The following PP2D1 variants were observed in gnomAD, a reference collection of about 807,000 sequenced individuals.
PP2D1 encodes the protein protein phosphatase 2C like domain containing 1.
PP2D1 carries 25 observed loss-of-function variants against 30.2 expected under a neutral mutation model. The observed-to-expected ratio is 0.83, with a 90% confidence interval of 0.60 to 1.16. PP2D1 has a LOEUF of 1.16. PP2D1 is among the 50% of genes most tolerant of loss of function. PP2D1 has a pLI of 0.00. For missense variants in PP2D1, 760 were observed against 742.4 expected, an observed-to-expected ratio of 1.02 and a Z score of -0.28; for synonymous variants, 260 against 258.9, an observed-to-expected ratio of 1.00 and a Z score of -0.04.
At chr3:19,988,179 G>A (rs903470593) in intron 2 of PP2D1, among the ~76,000 whole-genome samples, 5 of 152,176 alleles carry the variant, frequency 3.3e-5, no homozygotes, top group African/African-American at 1.2e-4. Flanking sequence ...ATAACCATCA[G>A]GTATCACTGC....
chr3:19,985,448 C>T lies in PP2D1; in HGVS notation c.1825G>A (p.Gly609Ser). 2 of 1,536,078 alleles carry T rather than the reference C, an allele frequency of 1.3e-6. No individual in the cohort carries two copies. Among genetic ancestry groups the T allele is most frequent in the Non-Finnish European group, 1.7e-6 (2 of 1,146,856 alleles). The change falls in exon 3 of 3, where the codon GGC (glycine) becomes AGC (serine). Residue 609 changes from glycine (G) to serine (S), a missense_variant. This residue lies in a region of PP2D1 where 369 missense variants were observed against 316.2 expected (regional missense o/e 1.17). Coordinates refer to ENST00000389050, the MANE Select transcript of PP2D1 (RefSeq NM_001252657.2). ...HELVNAALLA[G>S]SRDNITVMVI... ...ATAACTGTAATGTTGTCTCTGGAGC[C>T]AGCCAGTAAAGCAGCATTTACAAGT...
intron 1 of PP2D1, among the ~76,000 whole-genome samples, chr3:20,003,470 C>T (rs1038980649): frequency 1.1e-4 from 17 of 151,750 alleles, no homozygotes; most frequent in African/African-American, 2.7e-4. Context: ...TAGCTGGGCG[C>T]GATGGCTCAC....
intron 3 of PP2D1, chr3:19,980,293 A>G (rs1696899159): frequency 6.6e-6 from 1 of 152,192 alleles, no homozygotes; most frequent in South Asian, 2.1e-4. Flanking sequence ...TTTTATTCAA[A>G]CATGCTAATA....
intron 2 of PP2D1, among the ~76,000 whole-genome samples, chr3:19,991,432 A>C (rs760618655): frequency 3.9e-5 from 6 of 152,200 alleles, no homozygotes; most frequent in Non-Finnish European, 7.3e-5. Flanking sequence ...AGAGAGTTTA[A>C]AGAAAGAATG....
At chr3:19,995,663 C>T (rs1437759385) in intron 2 of PP2D1, among the ~76,000 whole-genome samples, 1 of 152,144 alleles carries the variant, frequency 6.6e-6, no homozygotes, top group East Asian at 1.9e-4. Context: ...AAACCAACTC[C>T]AAAATGGCAC....
At chr3:19,995,662 C>G (rs1021902110) in intron 2 of PP2D1, among the ~76,000 whole-genome samples, 2 of 152,138 alleles carry the variant, frequency 1.3e-5, no homozygotes, top group African/African-American at 4.8e-5. Context: ...GAAACCAACT[C>G]CAAAATGGCA....
chr3:19,997,266 T>C (rs1326216461), intron 2 of PP2D1, among the ~76,000 whole-genome samples: 1 of 150,956 alleles, frequency 6.6e-6, no homozygotes, highest in East Asian at 2.0e-4. Context: ...ATATGACACA[T>C]TACCAACAGA....
chr3:19,988,534 G>A (rs564964381), intron 2 of PP2D1, among the ~76,000 whole-genome samples: 16 of 152,162 alleles, frequency 1.1e-4, no homozygotes, highest in African/African-American at 3.6e-4. Context: ...TTTCACCCAG[G>A]TCCTGTGATC....
chr3:20,003,164 A>AT (rs1483403172), intron 1 of PP2D1, among the ~76,000 whole-genome samples: 3 of 152,086 alleles, frequency 2.0e-5, no homozygotes, highest in Non-Finnish European at 4.4e-5. Context: ...TATACTTTTT[A>AT]TTGTTATTTT....
At chr3:19,997,306 A>C (rs1016664904) in intron 2 of PP2D1, among the ~76,000 whole-genome samples, 9 of 152,008 alleles carry the variant, frequency 5.9e-5, no homozygotes, top group African/African-American at 2.2e-4. Flanking sequence ...TGATTATCTC[A>C]ATAAATGCCC....
At chr3:19,998,188 G>T (rs1451798077) in intron 2 of PP2D1, among the ~76,000 whole-genome samples, 1 of 152,258 alleles carries the variant, frequency 6.6e-6, no homozygotes, top group East Asian at 1.9e-4. Flanking sequence ...AAATTGTCCA[G>T]CCGTGGTGGC....
Position 20,001,995 on chromosome 3 carries a change from T to G in PP2D1, c.125A>C (p.Lys42Thr). 6.5e-7 allele frequency: 1 copy of G among 1,536,124 alleles called. No homozygotes were observed. The highest frequency in any genetic ancestry group is 1.2e-5 in the South Asian group (1 of 84,066). The change falls in exon 2 of 3, where the codon AAG becomes ACG. Residue 42 changes from lysine (K) to threonine (T), a missense_variant. Transcript: ENST00000389050. The stretch of plus-strand genomic sequence containing the variant: ...TTTGGTGTGTCTCACTGGTCTTGAC[T>G]TTTTCTTTCTAAAACGTTTTCTTTT... ...LPKRKRFRKK[K>T]SRPVRHTKRH...
chr3:19,988,745 TTACTG>T (rs766210259), intron 2 of PP2D1, among the ~76,000 whole-genome samples: 7 of 152,110 alleles, frequency 4.6e-5, no homozygotes, highest in African/African-American at 9.7e-5. Context: ...ATTTCTGTCT[TTACTG>T]TACTCTTTCC....
chr3:19,983,989 T>C (rs1696983218), downstream of PP2D1: 1 of 577,752 alleles, frequency 1.7e-6, no homozygotes, highest in Non-Finnish European at 3.1e-6. Context: ...TAATTTTTAA[T>C]AACATGCATG....
intron 1 of PP2D1, among the ~76,000 whole-genome samples, chr3:20,003,048 C>T (rs1008018147): frequency 6.6e-6 from 1 of 151,214 alleles, no homozygotes; most frequent in African/African-American, 2.4e-5. Flanking sequence ...GAGCAAGACT[C>T]CATCTCAAAA....
At chr3:19,990,497 AAGG>A (rs34050569) in intron 2 of PP2D1, among the ~76,000 whole-genome samples, 26,700 of 151,118 alleles carry the variant, frequency 0.18, 2,252 homozygotes, top group South Asian at 0.21. Flanking sequence ...AGAAAAAGTG[AAGG>A]AGAAGTAGCC....
rs1248663695 is a variant in PP2D1 at position 19,992,576 on chromosome 3, G to A, written c.1091-6394C>T. Among the ~76,000 whole-genome samples, 3 of 151,802 alleles carry A rather than the reference G, an allele frequency of 2.0e-5. No individual in the cohort carries two copies. The East Asian group carries it at 5.8e-4, about 29-fold the overall frequency. On this transcript the variant is annotated intron_variant, in intron 2 of 2. Coordinates refer to ENST00000389050, the MANE Select transcript of PP2D1 (RefSeq NM_001252657.2). The stretch of plus-strand genomic sequence containing the variant: ...CATCTAGAGAAGAAAGACAACTTAG[G>A]TCTGCAAATACCGCATTAGTGATGA...
At chr3:19,988,029 G>A (rs911047400) in intron 2 of PP2D1, among the ~76,000 whole-genome samples, 3 of 152,080 alleles carry the variant, frequency 2.0e-5, no homozygotes, top group African/African-American at 7.2e-5. Flanking sequence ...CGTAAGCTGG[G>A]GTTGTATGTC....
chr3:20,000,777 C>A (rs1177100559), intron 2 of PP2D1, among the ~76,000 whole-genome samples: 2 of 152,160 alleles, frequency 1.3e-5, no homozygotes, highest in African/African-American at 4.8e-5. Context: ...TGTTGCTACC[C>A]CTTTGGGAAA....
Sources: gnomAD v4.1 joint callset for allele counts (sites outside exome capture counted in the v4.1 genomes callset) on GRCh38, gnomAD v4.1.1 for gene constraint, gnomAD v4.1.1 regional missense constraint, MANE v1.5 for transcripts, NCBI Gene and HGNC (gene_info 2026-07-23, HGNC 2026-07-21) for gene names.